Variants in RASGEF1B observed in about 807,000 individuals in gnomAD.
RASGEF1B encodes the protein RasGEF domain family member 1B, also known as ras-GEF domain-containing family member 1B.
In RASGEF1B, 30 loss-of-function variants were observed where a neutral mutation model predicts 65.7. The ratio of observed to expected loss-of-function variants is 0.46; its 90% confidence interval spans 0.34 to 0.62. RASGEF1B has a LOEUF of 0.62. Ranked by LOEUF, RASGEF1B falls within the 20% of genes least tolerant of loss-of-function variation. The pLI, the probability that RASGEF1B is intolerant of heterozygous loss-of-function variation, is 0.01. For missense variants in RASGEF1B, 495 were observed against 580.1 expected, an observed-to-expected ratio of 0.85 and a Z score of 1.51; for synonymous variants, 175 against 194.8, an observed-to-expected ratio of 0.90 and a Z score of 0.85.
At chr4:81,467,171 G>T (rs1381159561) in intron 1 of RASGEF1B, among the ~76,000 whole-genome samples, 1 of 152,140 alleles carries the variant, frequency 6.6e-6, no homozygotes, top group Non-Finnish European at 1.5e-5. Context: ...CTCTCGCAAT[G>T]AAACAGTGAT....
chr4:81,433,426 CA>C (rs1417522908), intron 12 of RASGEF1B, among the ~76,000 whole-genome samples: 1 of 151,908 alleles, frequency 6.6e-6, no homozygotes, highest in African/African-American at 2.4e-5. Flanking sequence ...AATGTTTTAA[CA>C]GGTCAAAATG....
Position 81,433,852 on chromosome 4 carries a change from A to C in RASGEF1B, c.1312T>G (p.Phe438Val). The stretch of plus-strand genomic sequence containing the variant: ...TGAATGGCCTTACCATCTTCACTGA[A>C]GACTGGTACTGTGAGCAGATACTGC... ...ILQYLLTVPV[F>V]SEDALYLASY... The change falls in exon 12 of 14, where the codon TTC becomes GTC. Residue 438 changes from phenylalanine to valine, a missense_variant. Physicochemically the swap from Phe to Val is conservative, Grantham distance 50. Coordinates refer to ENST00000264400, the MANE Select transcript of RASGEF1B (RefSeq NM_152545.3). 1 of 1,613,998 alleles carries C rather than the reference A, an allele frequency of 6.2e-7. No individual in the cohort carries two copies. The highest frequency in any genetic ancestry group is 8.5e-7 in the Non-Finnish European group (1 of 1,179,962).
chr4:81,457,814 A>G (rs1722502207), intron 2 of RASGEF1B, among the ~76,000 whole-genome samples, 193 bp from the exon 3 acceptor site: 2 of 152,148 alleles, frequency 1.3e-5, no homozygotes, highest in South Asian at 4.1e-4. Context: ...TTTCCCTGAA[A>G]CCATACTAAA....
intron 13 of RASGEF1B, among the ~76,000 whole-genome samples, chr4:81,430,257 T>C (rs1056500462): frequency 1.1e-4 from 16 of 152,018 alleles, no homozygotes; most frequent in African/African-American, 2.7e-4. Flanking sequence ...GCCGAGATCC[T>C]CCCACTGCAC....
intron 6 of RASGEF1B, among the ~76,000 whole-genome samples, chr4:81,447,143 T>C (rs1208483591): frequency 6.6e-6 from 1 of 152,200 alleles, no homozygotes; most frequent in Non-Finnish European, 1.5e-5. Flanking sequence ...CCTGCTATTG[T>C]TGAATTATGG....
Position 81,427,739 on chromosome 4 carries a change from A to C in RASGEF1B, c.*29T>G, listed in dbSNP as rs1472100641. 1.2e-6 allele frequency: 2 copies of C among 1,613,614 alleles called. No individual in the cohort carries two copies. The highest frequency in any genetic ancestry group is 2.2e-5 in the East Asian group (1 of 44,886). On this transcript the variant is annotated 3_prime_UTR_variant, in exon 14 of 14. Coordinates refer to ENST00000264400, the MANE Select transcript of RASGEF1B (RefSeq NM_152545.3). ...CCCTCCATGATCTGCAGGAAGCAGC[A>C]GCAGCAGCAGGCAGGCAGCTCCCAT...
At chr4:81,466,560 C>G (rs191250810) in intron 1 of RASGEF1B, among the ~76,000 whole-genome samples, 100 of 151,872 alleles carry the variant, frequency 6.6e-4, no homozygotes, top group East Asian at 3.5e-3. Flanking sequence ...CAGATCGAGA[C>G]CATCCTGGCT....
chr4:81,439,002 A>G (rs115540604), intron 10 of RASGEF1B, among the ~76,000 whole-genome samples: 1,581 of 152,106 alleles, frequency 0.01, 14 homozygotes, highest in South Asian at 0.018. Flanking sequence ...AACCAACCCA[A>G]ATGTTCCATG....
rs111863430 is a variant in RASGEF1B at position 81,447,569 on chromosome 4, T to C, written c.664A>G (p.Asn222Asp). Residue 222 changes from asparagine (N) to aspartate (D), a missense_variant, in exon 6 of 14, where the codon AAT (asparagine) becomes GAT (aspartate). Coordinates refer to ENST00000264400, the MANE Select transcript of RASGEF1B (RefSeq NM_152545.3). Reference protein sequence around the residue: ...QLTHIELERLNYIGPEEFVQA... With the variant: ...QLTHIELERLDYIGPEEFVQA... ...ACAAATTCTTCTGGCCCAATATAAT[T>C]GAGCCTCTCCTGAAACACAAACCCA... 3,600 of 1,613,832 alleles carry C rather than the reference T, an allele frequency of 2.2e-3. 59 individuals are homozygous for C. Among genetic ancestry groups the C allele is most frequent in the Non-Finnish European group, 6.9e-4 (809 of 1,179,798 alleles).
intron 9 of RASGEF1B, 67 bp from the exon 10 acceptor site, chr4:81,440,996 G>C: frequency 9.2e-7 from 1 of 1,081,418 alleles, no homozygotes; most frequent in South Asian, 1.3e-5. Flanking sequence ...AAGTTTATAA[G>C]ATCACATATT....
At chr4:81,444,696 C>T (rs1267866851) in intron 8 of RASGEF1B, among the ~76,000 whole-genome samples, 1 of 152,098 alleles carries the variant, frequency 6.6e-6, no homozygotes, top group African/African-American at 2.4e-5. Context: ...GCCACCATGC[C>T]CAGCTAATTT....
intron 6 of RASGEF1B, among the ~76,000 whole-genome samples, chr4:81,447,182 A>C (rs1722056693): frequency 6.6e-6 from 1 of 152,116 alleles, no homozygotes; most frequent in Non-Finnish European, 1.5e-5. Context: ...GCAGATTCTT[A>C]ATCTGCTAAA....
intron 1 of RASGEF1B, among the ~76,000 whole-genome samples, chr4:81,468,252 T>G (rs1722914098): frequency 6.6e-6 from 1 of 152,214 alleles, no homozygotes; most frequent in African/African-American, 2.4e-5. Flanking sequence ...TATTAAAAAG[T>G]AGAGTTTTCT....
At chr4:81,444,977 A>C (rs1452027894) in intron 8 of RASGEF1B, among the ~76,000 whole-genome samples, 1 of 152,266 alleles carries the variant, frequency 6.6e-6, no homozygotes, top group African/African-American at 2.4e-5. Context: ...ACAAGTATAA[A>C]TTGGAACAAC....
At chr4:81,451,433 G>A (rs1034942897) in intron 4 of RASGEF1B, 1 of 152,156 alleles carries the variant, frequency 6.6e-6, no homozygotes, top group African/African-American at 2.4e-5. Flanking sequence ...AAAACAAGCA[G>A]GGTGATGAAT....
At chr4:81,455,461 G>A (rs1722411121) in intron 4 of RASGEF1B, 1 of 152,338 alleles carries the variant, frequency 6.6e-6, no homozygotes, top group Admixed American at 6.5e-5. Flanking sequence ...AGGGTATCAA[G>A]TTATACGTTG....
At chr4:81,466,565 C>T (rs918040337) in intron 1 of RASGEF1B, among the ~76,000 whole-genome samples, 27 of 151,816 alleles carry the variant, frequency 1.8e-4, no homozygotes, top group African/African-American at 5.6e-4. Context: ...CGAGACCATC[C>T]TGGCTAACAC....
chr4:81,458,222 C>A (rs573985340), intron 2 of RASGEF1B, among the ~76,000 whole-genome samples: 1 of 152,296 alleles, frequency 6.6e-6, no homozygotes, highest in African/African-American at 2.4e-5. Flanking sequence ...ATATACTTTT[C>A]TTTAACCACA....
intron 3 of RASGEF1B, 142 bp from the exon 4 acceptor site, chr4:81,456,930 A>C: frequency 1.5e-6 from 1 of 684,692 alleles, no homozygotes; most frequent in African/African-American, 1.8e-5. Context: ...CCCTCCCTCC[A>C]TGTCAATGCC....
Sources: allele counts gnomAD v4.1 joint callset (sites outside exome capture counted in the v4.1 genomes callset), GRCh38; gene constraint gnomAD v4.1.1; transcripts MANE v1.5; gene names NCBI Gene and HGNC (gene_info 2026-07-23, HGNC 2026-07-21).